The following FBXL2 variants were observed in gnomAD, a reference collection of about 807,000 sequenced individuals.
FBXL2 encodes F-box/LRR-repeat protein 2.
A neutral mutation model predicts 69.2 loss-of-function variants in FBXL2; 38 were observed. The ratio of observed to expected loss-of-function variants is 0.55; its 90% CI spans 0.42 to 0.72. The LOEUF is 0.72. FBXL2 is among the 30% of genes least tolerant of loss of function. The probability of loss-of-function intolerance (pLI) is 0.00; values close to 1 mark genes in which losing one functional copy is unlikely to be tolerated. For missense variants in FBXL2, 354 were observed against 520.3 expected (o/e 0.68, Z 3.11); for synonymous variants, 192 against 201.3 (o/e 0.95, Z 0.39).
At chr3:33,327,344 A>G (rs758212961) in intron 2 of FBXL2, among the ~76,000 whole-genome samples, 5 of 152,078 alleles carry the variant, frequency 3.3e-5, no homozygotes, top group South Asian at 4.1e-4. Flanking sequence ...ACCATAGCCT[A>G]TTGACTTCAA....
At chr3:33,377,641 T>C (rs972843332) in intron 11 of FBXL2, among the ~76,000 whole-genome samples, 1 of 152,146 alleles carries the variant, frequency 6.6e-6, no homozygotes, top group Non-Finnish European at 1.5e-5. Context: ...AACTGGGCTG[T>C]ACTCTGCCCT....
chr3:33,404,373 T>C (rs574676741), downstream of FBXL2, among the ~76,000 whole-genome samples: 248 of 151,820 alleles, frequency 1.6e-3, no homozygotes, highest in Non-Finnish European at 2.9e-3. Context: ...GATCGTGCCA[T>C]TGTACTCCAG....
chr3:33,367,099 T>C (rs1378368162), intron 5 of FBXL2, among the ~76,000 whole-genome samples: 1 of 152,084 alleles, frequency 6.6e-6, no homozygotes, highest in African/African-American at 2.4e-5. Flanking sequence ...TCAGTTTCTT[T>C]TTTTTTTTCT....
At position 33,385,415 on chromosome 3, in the gene FBXL2, G is replaced by C. The variant is rs2043361444; in HGVS notation, c.1165-86G>C. The stretch of plus-strand genomic sequence containing the variant: ...TCAACTAAGGTGAAGATTTTTAATA[G>C]AGGACTATAGGTTTTTCTAGAATTA... On this transcript the variant is annotated intron_variant, in intron 14 of 14. Transcript: ENST00000484457. 4 of 1,171,192 alleles carry C rather than the reference G, an allele frequency of 3.4e-6. No homozygotes were observed. In the Admixed American group the frequency reaches 6.8e-5, roughly 20 times the overall value. 72.5% of individuals were successfully genotyped at this position (1,171,192 alleles called of 1,614,324 possible). A position where few individuals can be genotyped will look rare whatever the true frequency, so the allele number is the denominator to read the frequency against.
At chr3:33,384,745 G>A (rs2043299926) in intron 14 of FBXL2, among the ~76,000 whole-genome samples, 2 of 152,072 alleles carry the variant, frequency 1.3e-5, no homozygotes, top group South Asian at 4.1e-4. Context: ...GCCCTTATAA[G>A]AAAGCCTATG....
chr3:33,363,783 A>C (rs1463320918), intron 4 of FBXL2, among the ~76,000 whole-genome samples: 1 of 152,198 alleles, frequency 6.6e-6, no homozygotes, highest in Non-Finnish European at 1.5e-5. Context: ...AATGAGCCAT[A>C]ATAGGTACAA....
intron 1 of FBXL2, among the ~76,000 whole-genome samples, chr3:33,280,228 C>G (rs2033825688): frequency 6.6e-6 from 1 of 152,214 alleles, no homozygotes; most frequent in Admixed American, 6.5e-5. Context: ...GCTATACTAG[C>G]ATTGAGTTTC....
chr3:33,369,622 T>TATC (rs2042165404), intron 5 of FBXL2, among the ~76,000 whole-genome samples: 1 of 152,018 alleles, frequency 6.6e-6, no homozygotes, highest in Admixed American at 6.6e-5. Context: ...TTATCATTAT[T>TATC]ATTATTATTT....
intron 5 of FBXL2, among the ~76,000 whole-genome samples, chr3:33,371,604 C>T (rs1265258625): frequency 6.6e-6 from 1 of 151,962 alleles, no homozygotes; most frequent in Non-Finnish European, 1.5e-5. Flanking sequence ...GTTGTTTATG[C>T]TATTTGTGTC....
chr3:33,296,496 T>A (rs1353987938), intron 1 of FBXL2, among the ~76,000 whole-genome samples: 1 of 152,218 alleles, frequency 6.6e-6, no homozygotes, highest in Non-Finnish European at 1.5e-5. Context: ...TTCTAAGGGT[T>A]ATAATTTTAG....
chr3:33,350,556 C>G (rs1433905603), intron 2 of FBXL2, among the ~76,000 whole-genome samples: 2 of 152,086 alleles, frequency 1.3e-5, no homozygotes, highest in Admixed American at 6.6e-5. Context: ...CTTCAGCCTC[C>G]CCGGTAGCTG....
chr3:33,374,837 TATAA>T (rs2042533940), intron 9 of FBXL2, among the ~76,000 whole-genome samples: 1 of 152,056 alleles, frequency 6.6e-6, no homozygotes, highest in South Asian at 2.1e-4. Context: ...TTTGATGAAA[TATAA>T]ATATATGTGT....
intron 2 of FBXL2, among the ~76,000 whole-genome samples, chr3:33,310,700 C>T (rs1010998280): frequency 3.9e-5 from 6 of 151,906 alleles, no homozygotes; most frequent in South Asian, 4.2e-4. Context: ...AAGTCTGTCT[C>T]TCCTTCATTT....
At chr3:33,393,660 A>G (rs1382885134) in intron 12 of FBXL2, among the ~76,000 whole-genome samples, 1 of 152,250 alleles carries the variant, frequency 6.6e-6, no homozygotes, top group Non-Finnish European at 1.5e-5. Flanking sequence ...AGAATACATT[A>G]TTTATATCCA....
chr3:33,283,368 T>G (rs1484294803), intron 1 of FBXL2, among the ~76,000 whole-genome samples: 1 of 152,168 alleles, frequency 6.6e-6, no homozygotes, highest in Non-Finnish European at 1.5e-5. Context: ...TTGTGTATGT[T>G]GAACCAACCT....
At position 33,385,498 on chromosome 3, in the gene FBXL2, C is replaced by T. The variant is rs2043371165; in HGVS notation, c.1165-3C>T. Reference sequence around the variant, plus strand: ...GACTCCACTTTTTTCTTCATCCTTCCAGGCTCAGCTCCCTCATGTCAAAGT... The same window carrying T: ...GACTCCACTTTTTTCTTCATCCTTCTAGGCTCAGCTCCCTCATGTCAAAGT... On this transcript the variant is annotated splice_polypyrimidine_tract_variant and splice_region_variant and intron_variant, in intron 14 of 14. Transcript: ENST00000484457. The T allele has an allele frequency of 2.5e-6, 4 of 1,613,398 alleles. No individual in the cohort carries two copies. The highest frequency in any genetic ancestry group is 1.1e-5 in the South Asian group (1 of 91,066).
chr3:33,279,273 CTT>C (rs1013591676), intron 1 of FBXL2, among the ~76,000 whole-genome samples: 55 of 142,238 alleles, frequency 3.9e-4, no homozygotes, highest in Non-Finnish European at 6.5e-4. Context: ...AAACTGTATT[CTT>C]TTTTTTTTTT....
chr3:33,375,022 AC>A (rs2042545905), intron 9 of FBXL2, among the ~76,000 whole-genome samples: 1 of 152,140 alleles, frequency 6.6e-6, no homozygotes, highest in Non-Finnish European at 1.5e-5. Context: ...GGAATTTTAA[AC>A]TTTTATTCTC....
chr3:33,375,845 G>GA (rs1034001161), intron 10 of FBXL2, among the ~76,000 whole-genome samples: 2 of 151,908 alleles, frequency 1.3e-5, no homozygotes, highest in African/African-American at 2.4e-5. Flanking sequence ...TCCCCAGTAG[G>GA]AAAAAAAGTT....
Sources: gnomAD v4.1 joint callset for allele counts (sites outside exome capture counted in the v4.1 genomes callset) on GRCh38, gnomAD v4.1.1 for gene constraint, MANE v1.5 for transcripts, NCBI Gene and HGNC (gene_info 2026-07-23, HGNC 2026-07-21) for gene names.